DAAM2: variants seen among roughly 807,000 people sequenced by gnomAD.
The protein encoded by DAAM2 is disheveled-associated activator of morphogenesis 2.
DAAM2 carries 39 observed loss-of-function variants against 120.7 expected under a neutral mutation model. That is an observed-to-expected ratio of 0.32 (90% CI 0.25 to 0.42). DAAM2 has a LOEUF of 0.42. DAAM2 is among the 10% of genes least tolerant of loss of function. DAAM2 has a pLI of 1.00. For synonymous variants in DAAM2, 488 were observed against 524.9 expected (o/e 0.93, Z 0.96); for missense variants, 1,283 against 1,401.7 (o/e 0.92, Z 1.35).
chr6:39,894,209 C>G (rs1177136217), intron 19 of DAAM2, among the ~76,000 whole-genome samples: 1 of 151,996 alleles, frequency 6.6e-6, no homozygotes, highest in Non-Finnish European at 1.5e-5. Flanking sequence ...GGGCGTTTTC[C>G]CATTTACACT....
At chr6:39,825,447 GT>G (rs367661216) in intron 1 of DAAM2, among the ~76,000 whole-genome samples, 2,596 of 116,494 alleles carry the variant, frequency 0.022, 176 homozygotes, top group African/African-American at 0.074. Flanking sequence ...CGGGGGGTTG[GT>G]GGGGGGCCTT....
chr6:39,890,223 A>G (rs1194835632), intron 17 of DAAM2, among the ~76,000 whole-genome samples: 1 of 152,154 alleles, frequency 6.6e-6, no homozygotes, highest in Non-Finnish European at 1.5e-5. Context: ...GCTGAGGAGG[A>G]GGAAGAGGAA....
intron 21 of DAAM2, among the ~76,000 whole-genome samples, chr6:39,897,728 T>G (rs1211084516): frequency 1.3e-5 from 2 of 152,130 alleles, no homozygotes; most frequent in African/African-American, 4.8e-5. Flanking sequence ...ACCTTAAATC[T>G]CCACCTAGGG....
intron 22 of DAAM2, chr6:39,899,872 T>A (rs1187012183): frequency 2.0e-6 from 1 of 510,268 alleles, no homozygotes; most frequent in East Asian, 3.6e-5. Context: ...TGGGTCTCAG[T>A]GCTCTAGAGA....
intron 1 of DAAM2, among the ~76,000 whole-genome samples, chr6:39,811,411 G>C (rs780784801): frequency 1.3e-5 from 2 of 152,078 alleles, no homozygotes; most frequent in Non-Finnish European, 2.9e-5. Context: ...GCGATGGAGG[G>C]GTTATGTACA....
intron 6 of DAAM2, 137 bp downstream of exon 6, chr6:39,867,980 A>G (rs1178131612): frequency 3.9e-5 from 30 of 760,930 alleles, no homozygotes; most frequent in Non-Finnish European, 5.9e-5. Flanking sequence ...TGCTCCTGGA[A>G]GGTAACAGGT....
At chr6:39,825,085 G>A (rs1348201057) in intron 1 of DAAM2, among the ~76,000 whole-genome samples, 1 of 152,138 alleles carries the variant, frequency 6.6e-6, no homozygotes, top group South Asian at 2.1e-4. Flanking sequence ...GCCTGGATGT[G>A]AATTTAAGAA....
At position 39,888,704 on chromosome 6, in the gene DAAM2, C is replaced by T. The variant is rs773938955; in HGVS notation, c.2086C>T (p.Arg696Trp). 2.3e-5 allele frequency: 37 copies of T among 1,613,050 alleles called. No individual in the cohort carries two copies. The highest frequency in any genetic ancestry group is 4.4e-5 in the South Asian group (4 of 90,996). ...SKLKLSNEEI[R>W]QAILKMDEQE... The stretch of plus-strand genomic sequence containing the variant: ...GTTGAAGCTTTCTAACGAGGAGATC[C>T]GGCAGGCCATCTTGAAGATGGATGA... Residue 696 changes from arginine to tryptophan, a missense_variant, in exon 17 of 25, where the codon CGG (arginine) becomes TGG (tryptophan). Coordinates refer to ENST00000274867, the MANE Select transcript of DAAM2 (RefSeq NM_001201427.2).
intron 15 of DAAM2, 117 bp downstream of exon 15, chr6:39,884,186 C>T (rs891897334): frequency 1.6e-6 from 1 of 633,362 alleles, no homozygotes; most frequent in South Asian, 1.9e-5. Flanking sequence ...TTCCCTTCCT[C>T]CATCTTCCCC....
chr6:39,878,120 G>C lies in DAAM2; in HGVS notation c.1302-83G>C. 2 of 1,480,906 alleles carry C rather than the reference G, an allele frequency of 1.4e-6. No homozygotes were observed. The highest frequency in any genetic ancestry group is 1.9e-6 in the Non-Finnish European group (2 of 1,073,600). The allele number at this position is 1,480,906 out of a possible 1,614,324, so 91.7% of individuals were successfully genotyped here. A position where few individuals can be genotyped will look rare whatever the true frequency, so the allele number is the denominator to read the frequency against. The stretch of plus-strand genomic sequence containing the variant: ...GATTGGAGACCAGGGTCCCCACCTG[G>C]AGGGTAGAAAGATGATGTCTCCTGG... On this transcript the variant is annotated intron_variant, in intron 11 of 24. Coordinates refer to ENST00000274867, the MANE Select transcript of DAAM2 (RefSeq NM_001201427.2). The surrounding 1 kb of genome is among the most constrained non-coding windows in gnomAD (Gnocchi z 5.0).
intron 22 of DAAM2, 102 bp downstream of exon 22, chr6:39,899,039 A>G: frequency 1.1e-6 from 1 of 913,658 alleles, no homozygotes; most frequent in Non-Finnish European, 1.7e-6. Flanking sequence ...AACAATGGGT[A>G]CAGCCTCTAG....
intron 14 of DAAM2, chr6:39,880,124 C>T (rs1765055535): frequency 6.5e-6 from 1 of 154,886 alleles, no homozygotes; most frequent in Non-Finnish European, 1.4e-5. Context: ...TGGACCAAGG[C>T]CTGCCTCTGG....
chr6:39,841,373 G>A (rs1276562576), intron 1 of DAAM2, among the ~76,000 whole-genome samples: 1 of 149,552 alleles, frequency 6.7e-6, no homozygotes, highest in Non-Finnish European at 1.5e-5. Context: ...GAGTCCCAGG[G>A]GGAGGGTTCC....
At position 39,896,888 on chromosome 6, in the gene DAAM2, C is replaced by A; in HGVS notation, c.2418C>A (p.Gly806=). Residue 806 remains glycine, a synonymous_variant, in exon 20 of 25, where the codon GGC becomes GGA. Transcript: ENST00000274867. ...TGCTAGAGGTCATCCTAGCCATAGG[C>A]AACTTCATGAACAAAGGGCAGCGTG... ...RQMLEVILAI[G]NFMNKGQRGG... is the part of the protein sequence containing the mutation. 6.2e-7 allele frequency: 1 copy of A among 1,613,792 alleles called. No homozygotes were observed. Among genetic ancestry groups the A allele is most frequent in the South Asian group, 1.1e-5 (1 of 91,074 alleles).
At chr6:39,805,197 C>T (rs1044701500) in intron 1 of DAAM2, among the ~76,000 whole-genome samples, 1 of 152,134 alleles carries the variant, frequency 6.6e-6, no homozygotes, top group African/African-American at 2.4e-5. Context: ...TTTGGTATAG[C>T]ACAGTGATTT....
chr6:39,867,475 G>A (rs1764478113), intron 5 of DAAM2, 35 bp from the exon 6 acceptor site: 1 of 1,598,918 alleles, frequency 6.3e-7, no homozygotes, highest in African/African-American at 1.3e-5. Context: ...AGAATCATAT[G>A]CAAATATATG....
intron 1 of DAAM2, among the ~76,000 whole-genome samples, chr6:39,848,007 T>A (rs1763662670): frequency 6.6e-6 from 1 of 152,194 alleles, no homozygotes; most frequent in African/African-American, 2.4e-5. Context: ...GGAACCACCC[T>A]AGTAGAGCTT....
In DAAM2 at chr6:39,864,470, C is replaced by G. The variant is rs750320175; in HGVS notation, c.296C>G (p.Pro99Arg). Reference sequence around the variant, plus strand: ...CCCAACAAGCTGGCAACCAGCTGGCCTGACTATTACATCGACCGCATCAAT... The same window carrying G: ...CCCAACAAGCTGGCAACCAGCTGGCGTGACTATTACATCGACCGCATCAAT... ...EDPNKLATSWPDYYIDRINSM... is the reference protein window; with the variant it reads ...EDPNKLATSWRDYYIDRINSM... Residue 99 changes from proline to arginine, a missense_variant, in exon 4 of 25, where the codon CCT becomes CGT. Coordinates refer to ENST00000274867, the MANE Select transcript of DAAM2 (RefSeq NM_001201427.2). 1.2e-6 allele frequency: 2 copies of G among 1,612,888 alleles called. No homozygotes were observed. The highest frequency in any genetic ancestry group is 2.2e-5 in the South Asian group (2 of 90,880).
At chr6:39,872,974 C>A (rs1269128183) in intron 9 of DAAM2, among the ~76,000 whole-genome samples, 2 of 152,210 alleles carry the variant, frequency 1.3e-5, no homozygotes, top group African/African-American at 4.8e-5. Flanking sequence ...TGCTGATACA[C>A]AACCTACAAA....
Sources: allele counts gnomAD v4.1 joint callset (sites outside exome capture counted in the v4.1 genomes callset), GRCh38; gene constraint gnomAD v4.1.1; non-coding constraint Gnocchi (gnomAD v3.1); transcripts MANE v1.5; gene names NCBI Gene and HGNC (gene_info 2026-07-23, HGNC 2026-07-21).